WDTC1: variants seen among roughly 807,000 people sequenced by gnomAD.
WDTC1 encodes the protein WD and tetratricopeptide repeats protein 1.
In WDTC1, 12 loss-of-function variants were observed where a neutral mutation model predicts 76.0. That is an observed-to-expected ratio of 0.16 (90% CI 0.10 to 0.26). The LOEUF (loss-of-function observed/expected upper bound fraction) is 0.26. Among genes scored for constraint, WDTC1 ranks in the 10% least tolerant of loss-of-function variants. The pLI, the probability that WDTC1 is intolerant of heterozygous loss-of-function variation, is 1.00. For missense variants in WDTC1, 511 were observed against 908.8 expected (o/e 0.56, Z 5.63); for synonymous variants, 326 against 350.8 (o/e 0.93, Z 0.79).
rs539256833 is a variant in WDTC1 at position 27,301,186 on chromosome 1, C to T, written c.1233-40C>T. ...CTGAATGGGGACCCCTTGCTTGCCA[C>T]GTGGCTCCACCTCCAAGCCGCTCTT... On this transcript the variant is annotated intron_variant, in intron 12 of 15. Transcript: ENST00000319394. This position sits in a 1 kb window ranked among gnomAD's most constrained non-coding sequence, Gnocchi z 5.8. 4.4e-6 allele frequency: 7 copies of T among 1,594,382 alleles called. No individual in the cohort carries two copies. The Admixed American group carries it at 5.0e-5, about 11-fold the overall frequency.
chr1:27,267,534 A>G (rs555466943), intron 3 of WDTC1, among the ~76,000 whole-genome samples: 24 of 152,122 alleles, frequency 1.6e-4, no homozygotes, highest in Non-Finnish European at 2.8e-4. Context: ...TTCAAATTCA[A>G]AAGTTTAAAA....
intron 1 of WDTC1, among the ~76,000 whole-genome samples, chr1:27,236,753 G>T (rs2011497633): frequency 1.3e-5 from 2 of 152,166 alleles, no homozygotes. Flanking sequence ...AACATTTGTG[G>T]ATCTTGGGCC....
At position 27,260,951 on chromosome 1, in the gene WDTC1, C is replaced by T. The variant is rs779766179; in HGVS notation, c.-99-5C>T. 1.4e-4 allele frequency: 177 copies of T among 1,302,522 alleles called. No individual in the cohort carries two copies. The highest frequency in any genetic ancestry group is 7.5e-4 in the Middle Eastern group (4 of 5,336). The allele number at this position is 1,302,522 out of a possible 1,614,324, so 80.7% of individuals were successfully genotyped here. A position where few individuals can be genotyped will look rare whatever the true frequency, so the allele number is the denominator to read the frequency against. ...CTCCAAAGTTTGATGATTTTTTTCC[C>T]CCAGGTAATTAAATGTGTATTTTGT... On this transcript the variant is annotated splice_region_variant and splice_polypyrimidine_tract_variant and intron_variant, in intron 1 of 15. Coordinates refer to ENST00000319394, the MANE Select transcript of WDTC1 (RefSeq NM_001276252.2).
chr1:27,267,381 G>C (rs542914982), intron 3 of WDTC1, among the ~76,000 whole-genome samples: 33 of 152,150 alleles, frequency 2.2e-4, no homozygotes, highest in Non-Finnish European at 3.8e-4. Context: ...GAGTAGCTGG[G>C]ATTACAGGCG....
In WDTC1 at chr1:27,294,539, C is replaced by G; in HGVS notation, c.783C>G (p.Asp261Glu). 1.9e-6 allele frequency: 3 copies of G among 1,614,208 alleles called. No homozygotes were observed. The highest frequency in any genetic ancestry group is 2.5e-6 in the Non-Finnish European group (3 of 1,180,030). The change falls in exon 9 of 16, where the codon GAC (aspartate) becomes GAG (glutamate). Residue 261 changes from aspartate (D) to glutamate (E), a missense_variant. By Grantham distance (45) the Asp-to-Glu change is conservative. Coordinates refer to ENST00000319394, the MANE Select transcript of WDTC1 (RefSeq NM_001276252.2). Reference sequence around the variant, plus strand: ...GTCACCTGCCAGTGAAGCTTCCTGACTACAACAACCGTTTGAGAGTGCTGG... The same window carrying G: ...GTCACCTGCCAGTGAAGCTTCCTGAGTACAACAACCGTTTGAGAGTGCTGG... ...VAGHLPVKLPDYNNRLRVLVA... is the reference protein window; with the variant it reads ...VAGHLPVKLPEYNNRLRVLVA...
chr1:27,262,119 C>T (rs776673555), intron 2 of WDTC1, among the ~76,000 whole-genome samples: 5 of 151,558 alleles, frequency 3.3e-5, no homozygotes, highest in East Asian at 1.9e-4. Context: ...TTAGTAGAGA[C>T]GGGGTTTCAC....
At chr1:27,266,414 C>G (rs189795851) in intron 3 of WDTC1, among the ~76,000 whole-genome samples, 1 of 152,276 alleles carries the variant, frequency 6.6e-6, no homozygotes, top group East Asian at 1.9e-4. Flanking sequence ...TAAAATACCT[C>G]TATAAGCAAT....
At chr1:27,279,761 C>T (rs2013138793) in intron 3 of WDTC1, among the ~76,000 whole-genome samples, 1 of 152,088 alleles carries the variant, frequency 6.6e-6, no homozygotes, top group South Asian at 2.1e-4. Flanking sequence ...GAGCTAGCAT[C>T]TCACTATGTT....
intron 1 of WDTC1, among the ~76,000 whole-genome samples, chr1:27,235,323 G>A (rs866372971): frequency 7.2e-5 from 11 of 152,114 alleles, no homozygotes; most frequent in African/African-American, 2.4e-4. Flanking sequence ...TAAGTGCTGG[G>A]AGGGCAACGC....
chr1:27,248,510 A>G (rs1190472512), intron 1 of WDTC1, among the ~76,000 whole-genome samples: 1 of 151,766 alleles, frequency 6.6e-6, no homozygotes, highest in Admixed American at 6.6e-5. Context: ...TTTTTCTTAC[A>G]CATTTGTTTA....
Position 27,294,617 on chromosome 1 carries a change from G to T in WDTC1, c.861G>T (p.Met287Ile), listed in dbSNP as rs145339479. 70 of 1,612,050 alleles carry T rather than the reference G, an allele frequency of 4.3e-5. No individual in the cohort carries two copies. The South Asian group carries it at 6.2e-4, about 14-fold the overall frequency. Reference protein sequence around the residue: ...SPNGTELLVNMGGEQVYLFDL... With the variant: ...SPNGTELLVNIGGEQVYLFDL... ...ATGGCACAGAGCTACTAGTCAACAT[G>T]GGGGGGGAACAGGTATGTACAGCAT... The change falls in exon 9 of 16, where the codon ATG becomes ATT. Residue 287 changes from methionine to isoleucine, a missense_variant. Transcript: ENST00000319394.
chr1:27,295,924 C>G (rs1394121161), intron 9 of WDTC1, among the ~76,000 whole-genome samples: 1 of 152,108 alleles, frequency 6.6e-6, no homozygotes, highest in East Asian at 1.9e-4. Context: ...CGCCACCACA[C>G]CTGGCTAGTT....
At chr1:27,269,801 G>A (rs940738045) in intron 3 of WDTC1, among the ~76,000 whole-genome samples, 5 of 151,580 alleles carry the variant, frequency 3.3e-5, no homozygotes, top group Non-Finnish European at 7.4e-5. Context: ...TAGTAGAGAC[G>A]ACGTTTCACC....
At chr1:27,284,417 A>G (rs1319806365) in intron 5 of WDTC1, among the ~76,000 whole-genome samples, 1 of 152,244 alleles carries the variant, frequency 6.6e-6, no homozygotes, top group Non-Finnish European at 1.5e-5. Context: ...TTCGTAATTA[A>G]TATCAAGAGG....
chr1:27,242,660 G>A (rs1049965102), intron 1 of WDTC1, among the ~76,000 whole-genome samples: 2 of 151,954 alleles, frequency 1.3e-5, no homozygotes, highest in African/African-American at 4.8e-5. Flanking sequence ...GTAGAGACAG[G>A]GTTTCACCAT....
intron 3 of WDTC1, among the ~76,000 whole-genome samples, chr1:27,278,494 G>GAAT (rs2013095273): frequency 1.3e-5 from 2 of 152,168 alleles, no homozygotes; most frequent in South Asian, 4.1e-4. Flanking sequence ...ATATAGCAGT[G>GAAT]AATAAGACCA....
At chr1:27,270,447 C>G (rs943560177) in intron 3 of WDTC1, among the ~76,000 whole-genome samples, 3 of 152,178 alleles carry the variant, frequency 2.0e-5, no homozygotes. Flanking sequence ...AATCCCAGCA[C>G]TTTGGAGGGC....
chr1:27,297,480 T>G (rs1570985496), intron 11 of WDTC1, among the ~76,000 whole-genome samples: 1 of 152,166 alleles, frequency 6.6e-6, no homozygotes, highest in Non-Finnish European at 1.5e-5. Context: ...ATTATATTAT[T>G]CCCCATCCTA....
At chr1:27,272,643 T>C (rs1237998760) in intron 3 of WDTC1, among the ~76,000 whole-genome samples, 1 of 152,172 alleles carries the variant, frequency 6.6e-6, no homozygotes, top group Non-Finnish European at 1.5e-5. Context: ...AGGTACTGGA[T>C]TGGAATTAGC....
Sources: gnomAD v4.1 joint callset for allele counts (sites outside exome capture counted in the v4.1 genomes callset) on GRCh38, gnomAD v4.1.1 for gene constraint, Gnocchi (gnomAD v3.1) non-coding constraint, MANE v1.5 for transcripts, NCBI Gene and HGNC (gene_info 2026-07-23, HGNC 2026-07-21) for gene names.